The following ZNF131 variants were observed in gnomAD, a reference collection of about 807,000 sequenced individuals.
The protein encoded by ZNF131 is zinc finger protein 131.
Under a neutral mutation model 60.0 loss-of-function variants are expected in ZNF131, and 7 were observed. That is an observed-to-expected ratio of 0.12 (90% confidence interval 0.07 to 0.22). ZNF131 has a LOEUF of 0.22. Ranked by LOEUF, ZNF131 falls within the 10% of genes least tolerant of loss-of-function variation. ZNF131 has a pLI of 1.00. For missense variants in ZNF131, 493 were observed against 740.9 expected (o/e 0.67, Z 3.88); for synonymous variants, 257 against 253.2 (o/e 1.01, Z -0.14).
intron 3 of ZNF131, among the ~76,000 whole-genome samples, chr5:43,127,470 C>T (rs976777382): frequency 6.6e-6 from 1 of 152,246 alleles, no homozygotes; most frequent in Non-Finnish European, 1.5e-5. Context: ...ACAAGATCCC[C>T]AGATGGTGCC....
At chr5:43,158,585 C>T (rs758233057) in intron 4 of ZNF131, among the ~76,000 whole-genome samples, 16 of 152,224 alleles carry the variant, frequency 1.1e-4, no homozygotes, top group Non-Finnish European at 1.8e-4. Flanking sequence ...CCACCGCGCC[C>T]GGCCAGACGT....
intron 3 of ZNF131, among the ~76,000 whole-genome samples, chr5:43,127,362 A>T (rs1288688919): frequency 1.3e-5 from 2 of 152,208 alleles, no homozygotes; most frequent in Non-Finnish European, 2.9e-5. Flanking sequence ...TTCTTGATAT[A>T]CTATGTAGGT....
At position 43,123,194 on chromosome 5, in the gene ZNF131, TC is replaced by T; in HGVS notation, c.125-14del. The T allele has an allele frequency of 6.4e-7, 1 of 1,571,370 alleles. No homozygotes were observed. Among genetic ancestry groups the T allele is most frequent in the East Asian group, 2.3e-5 (1 of 44,412 alleles). On this transcript the variant is annotated splice_polypyrimidine_tract_variant and intron_variant, in intron 2 of 6. Transcript: ENST00000682664. ...GCTTGTGTATGATTTTCTTTTTTTT[TC>T]TTATTTTACCTAGGACACCATTTTA...
chr5:43,122,585 T>A (rs1443932307), intron 2 of ZNF131, among the ~76,000 whole-genome samples: 1 of 152,126 alleles, frequency 6.6e-6, no homozygotes, highest in Non-Finnish European at 1.5e-5. Flanking sequence ...GAAGGGAGAA[T>A]GAGAGATTCC....
intron 4 of ZNF131, among the ~76,000 whole-genome samples, chr5:43,144,508 G>T (rs1462541065): frequency 6.6e-6 from 1 of 152,114 alleles, no homozygotes; most frequent in Non-Finnish European, 1.5e-5. Context: ...GGGATGACAG[G>T]CATGAGCCAT....
intron 4 of ZNF131, among the ~76,000 whole-genome samples, chr5:43,142,261 G>C (rs1400671717): frequency 6.7e-6 from 1 of 149,084 alleles, no homozygotes; most frequent in African/African-American, 2.5e-5. Context: ...AGAATTGCTT[G>C]AACCCGGGAG....
At chr5:43,132,845 G>A (rs982490092) in intron 3 of ZNF131, among the ~76,000 whole-genome samples, 17 of 152,230 alleles carry the variant, frequency 1.1e-4, no homozygotes, top group Admixed American at 1.1e-3. Context: ...AGAGGATACT[G>A]CTTTGAACAC....
intron 4 of ZNF131, among the ~76,000 whole-genome samples, chr5:43,158,217 C>G (rs1200415223): frequency 2.0e-5 from 3 of 152,186 alleles, no homozygotes; most frequent in Non-Finnish European, 1.5e-5. Flanking sequence ...ATCCGCCTGC[C>G]TTGGCCTCCC....
intron 4 of ZNF131, among the ~76,000 whole-genome samples, chr5:43,160,757 C>T (rs1481435518): frequency 6.8e-6 from 1 of 146,560 alleles, no homozygotes; most frequent in Non-Finnish European, 1.5e-5. Context: ...GATCTTGGCT[C>T]ACCCCAACCT....
intron 3 of ZNF131, among the ~76,000 whole-genome samples, chr5:43,133,478 A>C (rs1157803808): frequency 6.6e-6 from 1 of 152,146 alleles, no homozygotes; most frequent in African/African-American, 2.4e-5. Flanking sequence ...AAAAAGAAAG[A>C]AAAGAAGGTG....
chr5:43,123,283 A>T lies in ZNF131; in HGVS notation c.199A>T (p.Thr67Ser). ...CTTCTACAAATTCTTTCAGGAGTTT[A>T]CCCAAGAACCATTGGTGGAGATAGA... ...KFFYKFFQEF[T>S]QEPLVEIEGV... is the part of the protein sequence containing the mutation. The change falls in exon 3 of 7, where the codon ACC (threonine) becomes TCC (serine). Residue 67 changes from threonine to serine, a missense_variant. Around this residue, in one of 7 missense-constraint regions of ZNF131, gnomAD observed 66 missense variants for 148.0 expected, o/e 0.45. Coordinates refer to ENST00000682664, the MANE Select transcript of ZNF131 (RefSeq NM_001330707.2). The T allele has an allele frequency of 6.2e-7, 1 of 1,611,590 alleles. No homozygotes were observed. The highest frequency in any genetic ancestry group is 8.5e-7 in the Non-Finnish European group (1 of 1,179,416).
intron 5 of ZNF131, among the ~76,000 whole-genome samples, chr5:43,169,482 G>T (rs1324607901): frequency 6.6e-6 from 1 of 152,298 alleles, no homozygotes; most frequent in East Asian, 1.9e-4. Flanking sequence ...AGCCATAGAC[G>T]CTCAGGTACG....
chr5:43,150,458 C>G (rs889169122), intron 4 of ZNF131, among the ~76,000 whole-genome samples: 2 of 152,132 alleles, frequency 1.3e-5, no homozygotes, highest in African/African-American at 4.8e-5. Flanking sequence ...CCCATAAGTA[C>G]AGCACTTCTT....
At chr5:43,149,618 T>G (rs1255827151) in intron 4 of ZNF131, among the ~76,000 whole-genome samples, 1 of 152,204 alleles carries the variant, frequency 6.6e-6, no homozygotes, top group Non-Finnish European at 1.5e-5. Context: ...TGTCAGTCTC[T>G]TTTTCAAAAA....
chr5:43,166,744 C>T (rs763092478), intron 5 of ZNF131, among the ~76,000 whole-genome samples: 6 of 151,994 alleles, frequency 3.9e-5, no homozygotes, highest in Non-Finnish European at 8.8e-5. Context: ...CAACCTCTGC[C>T]TCCCGGGTTC....
intron 4 of ZNF131, among the ~76,000 whole-genome samples, chr5:43,151,671 G>A (rs530450239): frequency 6.6e-6 from 1 of 152,252 alleles, no homozygotes; most frequent in East Asian, 1.9e-4. Context: ...CCGACCTCAA[G>A]TAACACACCT....
At chr5:43,130,554 T>TTTTTAA (rs1391677610) in intron 3 of ZNF131, among the ~76,000 whole-genome samples, 1 of 152,242 alleles carries the variant, frequency 6.6e-6, no homozygotes, top group Admixed American at 6.5e-5. Context: ...TTTACCACAT[T>TTTTTAA]TTTTAATTTT....
At chr5:43,138,966 G>C (rs1413366423) in intron 3 of ZNF131, among the ~76,000 whole-genome samples, 199 bp from the exon 4 acceptor site, 1 of 152,154 alleles carries the variant, frequency 6.6e-6, no homozygotes, top group Non-Finnish European at 1.5e-5. Flanking sequence ...GAAATTTAAA[G>C]TAGTTTAAGA....
intron 5 of ZNF131, among the ~76,000 whole-genome samples, chr5:43,164,858 A>C (rs915002373): frequency 1.3e-5 from 2 of 152,232 alleles, no homozygotes; most frequent in Non-Finnish European, 2.9e-5. Flanking sequence ...GAGCACATAA[A>C]GCAAACCGAA....
Sources: gnomAD v4.1 joint callset for allele counts (sites outside exome capture counted in the v4.1 genomes callset) on GRCh38, gnomAD v4.1.1 for gene constraint, gnomAD v4.1.1 regional missense constraint, MANE v1.5 for transcripts, NCBI Gene and HGNC (gene_info 2026-07-23, HGNC 2026-07-21) for gene names.